CCDC17: variants seen among roughly 807,000 people sequenced by gnomAD.
The protein encoded by CCDC17 is coiled-coil domain-containing protein 17.
In CCDC17, 79 loss-of-function variants were observed where a neutral mutation model predicts 68.0. The observed-to-expected ratio is 1.16, with a 90% confidence interval of 0.97 to 1.40. CCDC17 has a LOEUF of 1.40. Ranked by LOEUF, CCDC17 falls within the 40% of genes most tolerant of loss-of-function variation. The probability of loss-of-function intolerance (pLI) is 0.00; values close to 1 mark genes in which losing one functional copy is unlikely to be tolerated. For missense variants in CCDC17, 846 were observed against 811.5 expected, an observed-to-expected ratio of 1.04 and a Z score of -0.52; for synonymous variants, 376 against 337.5, an observed-to-expected ratio of 1.11 and a Z score of -1.25.
intron 10 of CCDC17, 63 bp downstream of exon 10, chr1:45,621,218 G>C (rs1486441332): frequency 2.6e-6 from 4 of 1,541,902 alleles, no homozygotes; most frequent in African/African-American, 2.7e-5. Flanking sequence ...AGAAAACTTA[G>C]CAGAATGGTG....
Position 45,621,262 on chromosome 1 carries a change from A to T in CCDC17, c.1388+19T>A. ...TCAACTGTGGCAGAGTACCAGAGTC[A>T]TGATCCCCACCTACTGACCTGGGCA... On this transcript the variant is annotated intron_variant, in intron 10 of 12. Coordinates refer to ENST00000528266, the MANE Select transcript of CCDC17 (RefSeq NM_001114938.3). The T allele has an allele frequency of 6.4e-7, 1 of 1,559,808 alleles. No individual in the cohort carries two copies. The highest frequency in any genetic ancestry group is 8.7e-7 in the Non-Finnish European group (1 of 1,150,824).
rs780529586 is a variant in CCDC17, at chr1:45,622,735, CG to C, written c.740+15del. 6 of 1,574,928 alleles carry C rather than the reference CG, an allele frequency of 3.8e-6. No homozygotes were observed. Among genetic ancestry groups the C allele is most frequent in the Non-Finnish European group, 5.2e-6 (6 of 1,159,898 alleles). Reference sequence around the variant, plus strand: ...CAGCGCTTCGCCCTATGCCCATCTCCGGCCCCGGCTCTCACCGGATTTCGGC... The same window carrying C: ...CAGCGCTTCGCCCTATGCCCATCTCCGCCCCGGCTCTCACCGGATTTCGGC... On this transcript the variant is annotated intron_variant, in intron 5 of 12. Coordinates refer to ENST00000528266, the MANE Select transcript of CCDC17 (RefSeq NM_001114938.3).
chr1:45,621,744 A>G lies in CCDC17; in HGVS notation c.1087-9T>C, dbSNP rs1330717612. 6.2e-7 allele frequency: 1 copy of G among 1,613,050 alleles called. No individual in the cohort carries two copies. The highest frequency in any genetic ancestry group is 1.1e-5 in the South Asian group (1 of 90,828). On this transcript the variant is annotated splice_polypyrimidine_tract_variant and intron_variant, in intron 8 of 12. Coordinates refer to ENST00000528266, the MANE Select transcript of CCDC17 (RefSeq NM_001114938.3). ...GTTCCAGGAAGCTGTGGCTGTGGGG[A>G]AGAGAGCTGACTCCTCCAGAAAGCC... is the stretch of plus-strand genomic sequence containing the variant.
At chr1:45,622,205 TAAGTG>T in intron 7 of CCDC17, 31 bp downstream of exon 7, 1 of 1,571,552 alleles carries the variant, frequency 6.4e-7, no homozygotes, top group Non-Finnish European at 8.7e-7. Context: ...TGGGGAGAGA[TAAGTG>T]GGATGGGATA....
At position 45,623,216 on chromosome 1, in the gene CCDC17, C is replaced by A. The variant is rs755605738; in HGVS notation, c.493+1G>T. 1.3e-6 allele frequency: 2 copies of A among 1,543,610 alleles called. No homozygotes were observed. The highest frequency in any genetic ancestry group is 1.2e-5 in the South Asian group (1 of 83,874). ...TGGTCCCCGTCCCCCATCTCCTTCACCCTCGCCGCGTAGCTGCAGGGCCCG... is the reference window on the plus strand; with the variant it reads ...TGGTCCCCGTCCCCCATCTCCTTCAACCTCGCCGCGTAGCTGCAGGGCCCG... On this transcript the variant is annotated splice_donor_variant, in intron 3 of 12. Coordinates refer to ENST00000528266, the MANE Select transcript of CCDC17 (RefSeq NM_001114938.3). LOFTEE classifies it high-confidence loss of function.
chr1:45,622,455 T>G, intron 6 of CCDC17, 94 bp downstream of exon 6: 1 of 1,467,488 alleles, frequency 6.8e-7, no homozygotes, highest in Non-Finnish European at 9.2e-7. Flanking sequence ...GCTGGACTTG[T>G]CAGCTCACAT....
rs141786275 is a variant in CCDC17 at position 45,622,774 on chromosome 1, C to T, written c.717G>A (p.Pro239=). Residue 239 remains proline (P), a synonymous_variant, in exon 5 of 13, where the codon CCG becomes CCA. Transcript: ENST00000528266. ...ACCGGATTTCGGCAGCCAGAGTTCC[C>T]GGGTTGGCCTTTTGCACTGGAGAAT... ...ELYSPVQKAN[P]GTLAAEIRAL... 763 of 1,598,722 alleles carry T rather than the reference C, an allele frequency of 4.8e-4. 8 individuals are homozygous for T. In the African/African-American group the frequency reaches 6.9e-3, roughly 14 times the overall value.
In CCDC17 at chr1:45,623,826, G is replaced by T; in HGVS notation, c.84C>A (p.Thr28=). Residue 28 remains threonine, a synonymous_variant, in exon 1 of 13, where the codon ACC becomes ACA. Coordinates refer to ENST00000528266, the MANE Select transcript of CCDC17 (RefSeq NM_001114938.3). ...GGCCAATGCAGAAGCGCTGAGTATGGGTGGCTAACAGAGCTGAGGAGCGGA... is the reference window on the plus strand; with the variant it reads ...GGCCAATGCAGAAGCGCTGAGTATGTGTGGCTAACAGAGCTGAGGAGCGGA... ...MVFRSSALLA[T]HTQRFCIGHP... is the part of the protein sequence containing the mutation. 9 of 1,551,574 alleles carry T rather than the reference G, an allele frequency of 5.8e-6. No homozygotes were observed. The highest frequency in any genetic ancestry group is 7.8e-6 in the Non-Finnish European group (9 of 1,146,878).
In CCDC17 at chr1:45,623,021, G is replaced by T; in HGVS notation, c.590C>A (p.Ala197Asp). 1 of 1,612,848 alleles carries T rather than the reference G, an allele frequency of 6.2e-7. No individual in the cohort carries two copies. Residue 197 changes from alanine (A) to aspartate (D), a missense_variant, in exon 4 of 13, where the codon GCC becomes GAC. By Grantham distance (126) the Ala-to-Asp change is moderately radical (BLOSUM62 -2). Coordinates refer to ENST00000528266, the MANE Select transcript of CCDC17 (RefSeq NM_001114938.3). The stretch of plus-strand genomic sequence containing the variant: ...CTCTAGAGCTCCCCGCGTCCTCCCG[G>T]CCTCAGCTTGTAGTTCTCGAATCTC... ...EQEIRELQAEAGRTRGALEVL... is the reference protein window; with the variant it reads ...EQEIRELQAEDGRTRGALEVL...
intron 6 of CCDC17, 96 bp from the exon 7 acceptor site, chr1:45,622,444 G>A (rs1418520181): frequency 3.4e-6 from 5 of 1,469,454 alleles, no homozygotes; most frequent in East Asian, 2.5e-5. Flanking sequence ...CTTCGGATAA[G>A]GCTGGACTTG....
rs767684395 is a variant in CCDC17, at chr1:45,621,480, C to T, written c.1189G>A (p.Gly397Ser). 14 of 1,583,986 alleles carry T rather than the reference C, an allele frequency of 8.8e-6. No homozygotes were observed. Among genetic ancestry groups the T allele is most frequent in the Admixed American group, 1.8e-5 (1 of 54,962 alleles). The stretch of plus-strand genomic sequence containing the variant: ...AGGAAATCATAGAAAATGACCAGGC[C>T]AGCCCTGGGGAACACAAGTCTTAGC... Reference protein sequence around the residue: ...LGPAPYDPGAGLVIFYDFLRG... With the variant: ...LGPAPYDPGASLVIFYDFLRG... Residue 397 changes from glycine to serine, a missense_variant, in exon 10 of 13, where the codon GGC becomes AGC. Transcript: ENST00000528266.
chr1:45,623,343 G>T lies in CCDC17; in HGVS notation c.367C>A (p.Pro123Thr), dbSNP rs541278810. 9.7e-5 allele frequency: 151 copies of T among 1,550,598 alleles called. No individual in the cohort carries two copies. The South Asian group carries it at 1.7e-3, about 18-fold the overall frequency. Reference sequence around the variant, plus strand: ...ACCGCCTCGGACATGGGACTCTGAGGCCGCGCCTCGGAACGTGTCCAGGGC... The same window carrying T: ...ACCGCCTCGGACATGGGACTCTGAGTCCGCGCCTCGGAACGTGTCCAGGGC... ...AGPWTRSEAR[P>T]QSPMSEAVGS... is the part of the protein sequence containing the mutation. The change falls in exon 3 of 13, where the codon CCT becomes ACT. Residue 123 changes from proline to threonine, a missense_variant. Coordinates refer to ENST00000528266, the MANE Select transcript of CCDC17 (RefSeq NM_001114938.3).
Position 45,620,616 on chromosome 1 carries a change from C to T in CCDC17, c.1710+107G>A, listed in dbSNP as rs79859939. The T allele has an allele frequency of 3.5e-3, 5,280 of 1,520,344 alleles. 61 individuals carry two copies. In the East Asian group the frequency reaches 0.036, roughly 10 times the overall value. 94.2% of individuals were successfully genotyped at this position (1,520,344 alleles called of 1,614,324 possible). A position where few individuals can be genotyped will look rare whatever the true frequency, so the allele number is the denominator to read the frequency against. ...GAGATGTGAGGATCAAACAAGAAAG[C>T]ATTGGTAATGACTGGCACACAGTGG... On this transcript the variant is annotated intron_variant, in intron 12 of 12. Coordinates refer to ENST00000528266, the MANE Select transcript of CCDC17 (RefSeq NM_001114938.3).
Position 45,622,770 on chromosome 1 carries a change from T to A in CCDC17, c.721A>T (p.Thr241Ser), listed in dbSNP as rs1255326141. 2 of 1,597,034 alleles carry A rather than the reference T, an allele frequency of 1.3e-6. No homozygotes were observed. The highest frequency in any genetic ancestry group is 8.5e-7 in the Non-Finnish European group (1 of 1,171,984). The stretch of plus-strand genomic sequence containing the variant: ...TCTCACCGGATTTCGGCAGCCAGAG[T>A]TCCCGGGTTGGCCTTTTGCACTGGA... Reference protein sequence around the residue: ...YSPVQKANPGTLAAEIRALRE... With the variant: ...YSPVQKANPGSLAAEIRALRE... Residue 241 changes from threonine (T) to serine (S), a missense_variant, in exon 5 of 13, where the codon ACT becomes TCT. By Grantham distance (58) the Thr-to-Ser change is moderately conservative. Transcript: ENST00000528266.
At position 45,622,245 on chromosome 1, in the gene CCDC17, G is replaced by A. The variant is rs1393510798; in HGVS notation, c.963C>T (p.Pro321=). The change falls in exon 7 of 13, where the codon CCC becomes CCT. Residue 321 remains proline, a synonymous_variant. Transcript: ENST00000528266. ...AGGGTTGGGGTGCTCACTGACCCAA[G>A]GGTGCCCGACCCCTCTGCATTTGCA... is the stretch of plus-strand genomic sequence containing the variant. ...LALQMQRGRA[P]LGPQDLRLLG... is the part of the protein sequence containing the mutation. 1 of 1,612,130 alleles carries A rather than the reference G, an allele frequency of 6.2e-7. No individual in the cohort carries two copies. The highest frequency in any genetic ancestry group is 2.2e-5 in the East Asian group (1 of 44,822).
chr1:45,620,602 A>C, intron 12 of CCDC17, 121 bp downstream of exon 12: 1 of 1,507,698 alleles, frequency 6.6e-7, no homozygotes, highest in South Asian at 1.3e-5. Flanking sequence ...AGATGTGAGG[A>C]TCAAACAAGA....
At chr1:45,621,615 G>A in intron 9 of CCDC17, 23 bp downstream of exon 9, 1 of 1,610,658 alleles carries the variant, frequency 6.2e-7, no homozygotes, top group East Asian at 2.2e-5. Flanking sequence ...CACAGAGGCT[G>A]TCGAAGGTGG....
rs371264950 is a variant in CCDC17, at chr1:45,620,945, C to T, written c.1557G>A (p.Leu519=). The change falls in exon 11 of 13, where the codon CTG becomes CTA. Residue 519 remains leucine (L), a synonymous_variant. Transcript: ENST00000528266. ...GCTGCCCAAGGCTAAGGCTGGGGTCCAGAGGAAGGGCCCGAAGTGGGAGGC... is the reference window on the plus strand; with the variant it reads ...GCTGCCCAAGGCTAAGGCTGGGGTCTAGAGGAAGGGCCCGAAGTGGGAGGC... ...RWRLPLRALP[L]DPSLSLGQLN... is the part of the protein sequence containing the mutation. The T allele has an allele frequency of 5.5e-5, 88 of 1,613,794 alleles. No homozygotes were observed. Among genetic ancestry groups the T allele is most frequent in the Non-Finnish European group, 7.1e-5 (84 of 1,179,854 alleles).
In CCDC17 at chr1:45,621,715, C is replaced by CAT; in HGVS notation, c.1105_1106dup (p.Met369IlefsTer2). On this transcript the variant is annotated frameshift_variant, in exon 9 of 13. Coordinates refer to ENST00000528266, the MANE Select transcript of CCDC17 (RefSeq NM_001114938.3). LOFTEE classifies it high-confidence loss of function. The stretch of plus-strand genomic sequence containing the variant: ...GTGAGTCCAGGCCCAGGTTTCTGGT[C>CAT]ATTGTTCCAGGAAGCTGTGGCTGTG... 1.2e-6 allele frequency: 2 copies of CAT among 1,613,754 alleles called. No individual in the cohort carries two copies. The highest frequency in any genetic ancestry group is 1.7e-6 in the Non-Finnish European group (2 of 1,179,834).
Sources: gnomAD v4.1 joint callset for allele counts on GRCh38, gnomAD v4.1.1 for gene constraint, MANE v1.5 for transcripts, NCBI Gene and HGNC (gene_info 2026-07-23, HGNC 2026-07-21) for gene names.